DLG2: variants seen among roughly 807,000 people sequenced by gnomAD.
DLG2 encodes discs large MAGUK scaffold protein 2.
In DLG2, 45 loss-of-function variants were observed where a neutral mutation model predicts 132.5. The ratio of observed to expected loss-of-function variants is 0.34; its 90% CI spans 0.27 to 0.44. DLG2 has a LOEUF of 0.44. DLG2 is among the 20% of genes least tolerant of loss of function. The pLI, the probability that DLG2 is intolerant of heterozygous loss-of-function variation, is 1.00. For synonymous variants in DLG2, 424 were observed against 419.6 expected (o/e 1.01, Z -0.13); for missense variants, 1,045 against 1,196.9 (o/e 0.87, Z 1.87).
intron 6 of DLG2, among the ~76,000 whole-genome samples, chr11:84,545,984 G>A (rs1212006853): frequency 2.0e-5 from 3 of 152,094 alleles, no homozygotes; most frequent in Non-Finnish European, 4.4e-5. Context: ...TTGAACTTCT[G>A]ATCTCAAGTG....
intron 6 of DLG2, among the ~76,000 whole-genome samples, chr11:84,859,993 T>G (rs191539176): frequency 5.9e-5 from 9 of 152,262 alleles, no homozygotes; most frequent in Non-Finnish European, 1.2e-4. Flanking sequence ...ACATTATTGT[T>G]ACAACAGCCA....
intron 7 of DLG2, among the ~76,000 whole-genome samples, chr11:84,332,786 A>G (rs760869793): frequency 2.0e-5 from 3 of 152,180 alleles, no homozygotes; most frequent in Non-Finnish European, 2.9e-5. Context: ...TTCCACTTGG[A>G]ACAAATTAAA....
Position 83,706,231 on chromosome 11 carries a change from AC to A in DLG2, c.1826-72907del, listed in dbSNP as rs1217085255. The stretch of plus-strand genomic sequence containing the variant: ...AGACTCCATCTAAAAAAAAAAAAAA[AC>A]ATTTTAAAACCAACAAAATTTTTAC... On this transcript the variant is annotated intron_variant, in intron 18 of 27. Transcript: ENST00000376104. Among the ~76,000 whole-genome samples, 567 of 151,190 alleles carry A rather than the reference AC, an allele frequency of 3.8e-3. 4 individuals are homozygous for A. The highest frequency in any genetic ancestry group is 0.013 in the African/African-American group (527 of 41,054).
intron 7 of DLG2, among the ~76,000 whole-genome samples, chr11:84,336,890 T>C (rs957208205): frequency 2.6e-5 from 4 of 152,204 alleles, no homozygotes; most frequent in Admixed American, 2.0e-4. Flanking sequence ...CTCATACCTA[T>C]CAATTTCTAA....
At chr11:84,178,814 C>G (rs1596732923) in intron 8 of DLG2, among the ~76,000 whole-genome samples, 1 of 151,904 alleles carries the variant, frequency 6.6e-6, no homozygotes, top group East Asian at 1.9e-4. Context: ...GACTACAGAT[C>G]TAGCATGTGA....
At chr11:83,677,128 C>T (rs1400821924) in intron 18 of DLG2, among the ~76,000 whole-genome samples, 2 of 151,996 alleles carry the variant, frequency 1.3e-5, no homozygotes, top group East Asian at 3.9e-4. Context: ...TGTGTTTTCC[C>T]TTTTCTTATA....
intron 3 of DLG2, among the ~76,000 whole-genome samples, chr11:85,560,308 T>C (rs2077166590): frequency 2.0e-5 from 3 of 151,838 alleles, no homozygotes; most frequent in African/African-American, 2.4e-5. Flanking sequence ...AGTTTATATA[T>C]TTAAAAACTG....
At chr11:84,373,269 A>AAAAAAAAAAAAAAAAAAAC (rs1555532736) in intron 7 of DLG2, among the ~76,000 whole-genome samples, 1 of 128,430 alleles carries the variant, frequency 7.8e-6, no homozygotes, top group Non-Finnish European at 1.6e-5. Flanking sequence ...AAAAAACAAA[A>AAAAAAAAAAAAAAAAAAAC]CAAAAAAAAA....
chr11:83,969,470 A>G (rs2090912332), intron 12 of DLG2, among the ~76,000 whole-genome samples: 3 of 152,244 alleles, frequency 2.0e-5, no homozygotes, highest in African/African-American at 7.2e-5. Flanking sequence ...GCAGCTTAAC[A>G]TATCTCACTG....
At chr11:84,714,582 T>TC (rs1565748803) in intron 6 of DLG2, among the ~76,000 whole-genome samples, 2 of 132,460 alleles carry the variant, frequency 1.5e-5, no homozygotes, top group African/African-American at 6.8e-5. Context: ...TCTCTTTCTC[T>TC]TTCTCTTTCT....
At chr11:83,530,116 A>G (rs2095702640) in intron 21 of DLG2, among the ~76,000 whole-genome samples, 1 of 151,878 alleles carries the variant, frequency 6.6e-6, no homozygotes, top group Admixed American at 6.6e-5. Flanking sequence ...CTATCTATCT[A>G]TCCATCTATC....
At chr11:83,723,508 G>T (rs2089243020) in intron 18 of DLG2, among the ~76,000 whole-genome samples, 2 of 152,184 alleles carry the variant, frequency 1.3e-5, no homozygotes, top group Non-Finnish European at 2.9e-5. Context: ...AGCTGACATT[G>T]AGTGAGTATT....
At chr11:85,256,185 A>G (rs1384661333) in intron 4 of DLG2, among the ~76,000 whole-genome samples, 1 of 152,180 alleles carries the variant, frequency 6.6e-6, no homozygotes, top group East Asian at 1.9e-4. Context: ...CCCAGGTTCC[A>G]TGAGCAGAAA....
intron 15 of DLG2, 33 bp downstream of exon 15, chr11:83,930,295 C>G (rs116279054): frequency 6.2e-7 from 1 of 1,608,992 alleles, no homozygotes; most frequent in South Asian, 1.1e-5. Context: ...ACATGCAGTT[C>G]GAGAAGATGA....
intron 12 of DLG2, among the ~76,000 whole-genome samples, chr11:83,976,977 G>GCAA (rs2092312421): frequency 6.6e-6 from 1 of 151,732 alleles, no homozygotes; most frequent in Non-Finnish European, 1.5e-5. Context: ...TTAGCTTAAG[G>GCAA]CAAAGTAAAA....
At chr11:85,626,042 T>C (rs1232564366) in intron 2 of DLG2, among the ~76,000 whole-genome samples, 1 of 152,252 alleles carries the variant, frequency 6.6e-6, no homozygotes, top group South Asian at 2.1e-4. Context: ...AATGCATATA[T>C]CTGGAAAAGC....
chr11:83,920,849 T>A (rs1444653116), intron 15 of DLG2, among the ~76,000 whole-genome samples: 1 of 151,944 alleles, frequency 6.6e-6, no homozygotes, highest in African/African-American at 2.4e-5. Context: ...CCTAACCATA[T>A]ATTCATTGTC....
chr11:84,607,779 C>T (rs1324860007), intron 6 of DLG2, among the ~76,000 whole-genome samples: 1 of 151,868 alleles, frequency 6.6e-6, no homozygotes, highest in East Asian at 1.9e-4. Flanking sequence ...GACAATCACC[C>T]CACAGAGTTG....
At chr11:84,216,556 T>C (rs2096838147) in intron 8 of DLG2, among the ~76,000 whole-genome samples, 1 of 152,040 alleles carries the variant, frequency 6.6e-6, no homozygotes, top group African/African-American at 2.4e-5. Flanking sequence ...GGATGAGTGA[T>C]GAATAAGAAA....
Sources: allele counts gnomAD v4.1 joint callset (sites outside exome capture counted in the v4.1 genomes callset), GRCh38; gene constraint gnomAD v4.1.1; transcripts MANE v1.5; gene names NCBI Gene and HGNC (gene_info 2026-07-23, HGNC 2026-07-21).